The following ARFGEF1 variants were observed in gnomAD, a reference collection of about 807,000 sequenced individuals.
ARFGEF1 encodes the protein ARF guanine nucleotide exchange factor 1, also known as brefeldin A-inhibited guanine nucleotide-exchange protein 1.
In ARFGEF1, 42 loss-of-function variants were observed where a neutral mutation model predicts 231.0. That is an observed-to-expected ratio of 0.18 (90% CI 0.14 to 0.24). ARFGEF1 has a LOEUF of 0.24. Among genes scored for constraint, ARFGEF1 ranks in the 10% least tolerant of loss-of-function variants. The pLI is 1.00. For missense variants in ARFGEF1, 1,345 were observed against 2,192.0 expected, an observed-to-expected ratio of 0.61 and a Z score of 7.72; for synonymous variants, 710 against 732.3, an observed-to-expected ratio of 0.97 and a Z score of 0.49.
intron 1 of ARFGEF1, among the ~76,000 whole-genome samples, chr8:67,339,562 A>G (rs1387916704): frequency 1.2e-4 from 18 of 151,796 alleles, no homozygotes. Flanking sequence ...CAACAATCCT[A>G]AATTCTTTGA....
At chr8:67,285,084 G>A (rs1805695152) in intron 7 of ARFGEF1, among the ~76,000 whole-genome samples, 1 of 130,658 alleles carries the variant, frequency 7.7e-6, no homozygotes, top group African/African-American at 2.8e-5. Flanking sequence ...TTAAGCCCAT[G>A]GTATTATTTT....
intron 34 of ARFGEF1, among the ~76,000 whole-genome samples, chr8:67,206,281 G>A (rs976865680): frequency 1.3e-5 from 2 of 151,812 alleles, no homozygotes; most frequent in Admixed American, 6.6e-5. Flanking sequence ...GTGGTGGCGT[G>A]TGCCTGTAGT....
intron 5 of ARFGEF1, among the ~76,000 whole-genome samples, chr8:67,189,318 AC>A (rs1563794624): frequency 6.6e-6 from 1 of 152,230 alleles, no homozygotes; most frequent in Non-Finnish European, 1.5e-5. Flanking sequence ...GCACACAGAT[AC>A]TTATAGCACC....
intron 1 of ARFGEF1, among the ~76,000 whole-genome samples, chr8:67,302,729 A>G (rs1197596257): frequency 6.6e-6 from 1 of 152,072 alleles, no homozygotes; most frequent in Admixed American, 6.5e-5. Context: ...TCCTTTTCTC[A>G]AAGCATTTCC....
intron 5 of ARFGEF1, among the ~76,000 whole-genome samples, chr8:67,181,132 G>C (rs922113850): frequency 6.6e-6 from 1 of 151,792 alleles, no homozygotes; most frequent in African/African-American, 2.4e-5. Flanking sequence ...CAAATTCCTG[G>C]ACTCAAGTGC....
chr8:67,320,559 A>G (rs1807539118), intron 1 of ARFGEF1, among the ~76,000 whole-genome samples: 1 of 152,238 alleles, frequency 6.6e-6, no homozygotes, highest in Non-Finnish European at 1.5e-5. Context: ...CTGTACATGA[A>G]TATTTATAGC....
intron 1 of ARFGEF1, among the ~76,000 whole-genome samples, chr8:67,324,939 G>A (rs1807764164): frequency 1.4e-5 from 2 of 147,494 alleles, no homozygotes; most frequent in African/African-American, 2.5e-5. Context: ...TTGAGACAGA[G>A]TTTCACTCTT....
At chr8:67,310,187 C>G (rs1379422965) in intron 1 of ARFGEF1, among the ~76,000 whole-genome samples, 1 of 151,956 alleles carries the variant, frequency 6.6e-6, no homozygotes, top group Admixed American at 6.6e-5. Context: ...GCTGCCATCT[C>G]GGCTCACTGC....
At chr8:67,323,009 ATTACT>A (rs1365959045) in intron 1 of ARFGEF1, among the ~76,000 whole-genome samples, 1 of 152,120 alleles carries the variant, frequency 6.6e-6, no homozygotes, top group East Asian at 1.9e-4. Flanking sequence ...GTAATCCCAG[ATTACT>A]TTGAGAGGGG....
intron 9 of ARFGEF1, among the ~76,000 whole-genome samples, chr8:67,275,111 T>C (rs1805257700): frequency 1.3e-5 from 2 of 152,086 alleles, no homozygotes; most frequent in South Asian, 2.1e-4. Context: ...AAACACTCTA[T>C]AGAATTTTTT....
chr8:67,297,541 C>T (rs78286922), intron 4 of ARFGEF1, among the ~76,000 whole-genome samples: 2 of 152,170 alleles, frequency 1.3e-5, no homozygotes. Flanking sequence ...GATCATGCCA[C>T]AGCACTTAGC....
chr8:67,202,940 GTTACT>G, intron 36 of ARFGEF1, 138 bp downstream of exon 36: 1 of 795,468 alleles, frequency 1.3e-6, no homozygotes, highest in Non-Finnish European at 1.8e-6. Flanking sequence ...TCGTTGTGAG[GTTACT>G]TTATTACTGT....
intron 7 of ARFGEF1, among the ~76,000 whole-genome samples, chr8:67,287,341 G>A (rs1011789960): frequency 2.6e-5 from 4 of 152,216 alleles, no homozygotes; most frequent in African/African-American, 9.6e-5. Flanking sequence ...TTCACAAGTT[G>A]AATTAAGAGA....
intron 19 of ARFGEF1, 98 bp downstream of exon 19, chr8:67,251,201 G>T: frequency 8.9e-7 from 1 of 1,126,762 alleles, no homozygotes; most frequent in Non-Finnish European, 1.2e-6. Flanking sequence ...CTACACTAAT[G>T]TGTTATATCA....
At chr8:67,224,665 T>A (rs1454652645) in intron 29 of ARFGEF1, among the ~76,000 whole-genome samples, 1 of 152,144 alleles carries the variant, frequency 6.6e-6, no homozygotes, top group East Asian at 1.9e-4. Flanking sequence ...GAAGCTAAAA[T>A]CAAATGGAGG....
intron 11 of ARFGEF1, 48 bp from the exon 12 acceptor site, chr8:67,267,278 G>C: frequency 1.9e-6 from 3 of 1,599,672 alleles, no homozygotes; most frequent in African/African-American, 1.3e-5. Context: ...TAGGATATGA[G>C]TACATTTGGC....
intron 33 of ARFGEF1, among the ~76,000 whole-genome samples, chr8:67,211,940 T>C (rs1838766254): frequency 1.3e-5 from 2 of 152,168 alleles, no homozygotes; most frequent in Admixed American, 6.5e-5. Context: ...GGGGTGAATT[T>C]AGAAAAGGAT....
At chr8:67,239,005 TAATTTATTTA>T in intron 20 of ARFGEF1, 112 bp from the exon 21 acceptor site, 14 of 843,572 alleles carry the variant, frequency 1.7e-5, no homozygotes, top group South Asian at 3.3e-5. Context: ...TTTTTTTTTT[TAATTTATTTA>T]TTAATTTTTG....
intron 1 of ARFGEF1, among the ~76,000 whole-genome samples, chr8:67,313,062 C>G (rs998533066): frequency 6.6e-6 from 1 of 152,100 alleles, no homozygotes; most frequent in African/African-American, 2.4e-5. Context: ...CCCTTATATA[C>G]AAATATTACA....
Sources: allele counts gnomAD v4.1 joint callset (sites outside exome capture counted in the v4.1 genomes callset), GRCh38; gene constraint gnomAD v4.1.1; transcripts MANE v1.5; gene names NCBI Gene and HGNC (gene_info 2026-07-23, HGNC 2026-07-21).